Variants in SMC4 observed in about 807,000 individuals in gnomAD.
SMC4 encodes the protein structural maintenance of chromosomes protein 4.
SMC4 carries 87 observed loss-of-function variants against 145.6 expected under a neutral mutation model. That is an observed-to-expected ratio of 0.60 (90% CI 0.50 to 0.71). The LOEUF (loss-of-function observed/expected upper bound fraction) is 0.71, where lower values mean the gene tolerates loss of function less well. Ranked by LOEUF, SMC4 falls within the 30% of genes least tolerant of loss-of-function variation. The pLI is 0.00. For synonymous variants in SMC4, 558 were observed against 500.7 expected (o/e 1.11, Z -1.53); for missense variants, 1,447 against 1,537.1 (o/e 0.94, Z 0.98).
intron 8 of SMC4, 89 bp from the exon 9 acceptor site, chr3:160,414,278 T>C: frequency 9.4e-7 from 1 of 1,066,550 alleles, no homozygotes; most frequent in Non-Finnish European, 1.4e-6. Flanking sequence ...CCTGGACATA[T>C]TTATAGAGGA....
chr3:160,413,111 T>C (rs1190157178), intron 7 of SMC4, among the ~76,000 whole-genome samples: 2 of 152,020 alleles, frequency 1.3e-5, no homozygotes, highest in Non-Finnish European at 2.9e-5. Context: ...ATTATTATTA[T>C]TATTATTGTT....
intron 17 of SMC4, among the ~76,000 whole-genome samples, chr3:160,427,996 A>G (rs1015526351): frequency 6.6e-6 from 1 of 152,162 alleles, no homozygotes; most frequent in African/African-American, 2.4e-5. Context: ...TTATAATCCC[A>G]GCTACATGGT....
chr3:160,434,341 A>G lies in SMC4; in HGVS notation c.*532A>G, dbSNP rs1436315315. Reference sequence around the variant, plus strand: ...TCTAGAATTTGATGTTTGACCATTTATGACTTAATTACCAGAGAGCCAGTA... The same window carrying G: ...TCTAGAATTTGATGTTTGACCATTTGTGACTTAATTACCAGAGAGCCAGTA... On this transcript the variant is annotated 3_prime_UTR_variant, in exon 24 of 24. Transcript: ENST00000357388. 6.6e-6 allele frequency: 1 copy of G among 152,292 alleles called. No individual in the cohort carries two copies. Among genetic ancestry groups the G allele is most frequent in the Non-Finnish European group, 1.5e-5 (1 of 68,120 alleles). The allele number at this position is 152,292 out of a possible 1,614,324, so 9.4% of individuals were successfully genotyped here. A position where few individuals can be genotyped will look rare whatever the true frequency, so the allele number is the denominator to read the frequency against.
intron 13 of SMC4, 72 bp from the exon 14 acceptor site, chr3:160,423,353 T>G: frequency 1.0e-6 from 1 of 965,214 alleles, no homozygotes; most frequent in Non-Finnish European, 1.5e-6. Context: ...CTATGGGTTT[T>G]TTTTTGTTTT....
chr3:160,430,005 G>A (rs774121510), intron 18 of SMC4, among the ~76,000 whole-genome samples: 3 of 152,092 alleles, frequency 2.0e-5, no homozygotes, highest in East Asian at 1.9e-4. Context: ...ATGAGCCACC[G>A]CACCCGGCCT....
chr3:160,402,988 A>G (rs1334085388), intron 4 of SMC4, 121 bp downstream of exon 4: 1 of 681,294 alleles, frequency 1.5e-6, no homozygotes, highest in Non-Finnish European at 2.4e-6. Flanking sequence ...CATTGGTTTC[A>G]TTATCTCTGA....
At chr3:160,427,437 C>T (rs941699909) in intron 17 of SMC4, among the ~76,000 whole-genome samples, 5 of 152,218 alleles carry the variant, frequency 3.3e-5, no homozygotes, top group African/African-American at 9.6e-5. Context: ...CACCCACACT[C>T]CCCTTTCCCT....
intron 16 of SMC4, 88 bp from the exon 17 acceptor site, chr3:160,425,986 T>C: frequency 9.8e-7 from 1 of 1,016,626 alleles, no homozygotes; most frequent in Non-Finnish European, 1.5e-6. Context: ...GTCTTTTTCT[T>C]GAAGATTTTA....
chr3:160,420,809 ATTG>A lies in SMC4; in HGVS notation c.1934_1936del (p.Val645del). ...ATCCTGTTGTCATGCACTGGACTAC[ATTG>A]TTGTTGATTCTATTGATATAGCCCA... On this transcript the variant is annotated inframe_deletion, in exon 13 of 24. Transcript: ENST00000357388. 6.2e-7 allele frequency: 1 copy of A among 1,614,062 alleles called. No homozygotes were observed. Among genetic ancestry groups the A allele is most frequent in the Non-Finnish European group, 8.5e-7 (1 of 1,179,972 alleles).
intron 5 of SMC4, among the ~76,000 whole-genome samples, chr3:160,409,478 T>G (rs1355100647): frequency 3.3e-5 from 5 of 152,140 alleles, no homozygotes; most frequent in Admixed American, 3.3e-4. Context: ...AAGCTGTTTC[T>G]TAATAGCTGT....
chr3:160,432,579 G>GT (rs1333571250), intron 22 of SMC4, 64 bp downstream of exon 22: 9 of 1,061,676 alleles, frequency 8.5e-6, no homozygotes, highest in Non-Finnish European at 1.2e-5. Context: ...TCCAAACTCA[G>GT]TATTTCTTGG....
rs530462517 is a variant in SMC4, at chr3:160,424,451, C to T, written c.2326-416C>T. On this transcript the variant is annotated intron_variant, in intron 15 of 23. Transcript: ENST00000357388. The stretch of plus-strand genomic sequence containing the variant: ...ATTTTCTGATCAAGAAATTACTTGA[C>T]CATCTCCTGAACTTTAAGATTGGGA... 3.3e-5 allele frequency among the ~76,000 whole-genome samples: 5 copies of T among 152,254 alleles called. No individual in the cohort carries two copies. In the East Asian group the frequency reaches 9.6e-4, roughly 29 times the overall value.
chr3:160,412,221 T>G, intron 6 of SMC4, 105 bp from the exon 7 acceptor site: 1 of 1,417,120 alleles, frequency 7.1e-7, no homozygotes, highest in Non-Finnish European at 9.5e-7. Context: ...ACATTTAAGA[T>G]GAACATTCTC....
chr3:160,421,285 C>G (rs906256378), intron 13 of SMC4, among the ~76,000 whole-genome samples: 2 of 152,020 alleles, frequency 1.3e-5, no homozygotes, highest in Admixed American at 1.3e-4. Flanking sequence ...CAGGCTTTTT[C>G]TTAATGGTTA....
intron 4 of SMC4, 144 bp downstream of exon 4, chr3:160,403,011 T>G: frequency 3.3e-6 from 2 of 603,666 alleles, no homozygotes; most frequent in Non-Finnish European, 5.5e-6. Context: ...GTATTTTATT[T>G]TGGGGGAGTG....
At chr3:160,405,796 T>C (rs1209441654) in intron 5 of SMC4, among the ~76,000 whole-genome samples, 1 of 152,042 alleles carries the variant, frequency 6.6e-6, no homozygotes, top group Non-Finnish European at 1.5e-5. Context: ...ATTGAACTGT[T>C]TTATTGACTT....
intron 12 of SMC4, among the ~76,000 whole-genome samples, chr3:160,420,193 G>GGAGAGTA (rs1717020411): frequency 6.6e-6 from 1 of 152,274 alleles, no homozygotes; most frequent in East Asian, 1.9e-4. Context: ...GGCTGAAGGT[G>GGAGAGTA]GAGAGTCAAA....
rs538072745 is a variant in SMC4 at position 160,434,281 on chromosome 3, T to G, written c.*472T>G. 7 of 152,660 alleles carry G rather than the reference T, an allele frequency of 4.6e-5. No homozygotes were observed. The highest frequency in any genetic ancestry group is 1.7e-4 in the African/African-American group (7 of 41,598). The allele number at this position is 152,660 out of a possible 1,614,324, so 9.5% of individuals were successfully genotyped here. A position where few individuals can be genotyped will look rare whatever the true frequency, so the allele number is the denominator to read the frequency against. On this transcript the variant is annotated 3_prime_UTR_variant, in exon 24 of 24. Coordinates refer to ENST00000357388, the MANE Select transcript of SMC4 (RefSeq NM_001002800.3). ...ACATATTTTTGTAAACCAGTCATTC[T>G]GAATTATAGTGATGAGAATTTAAAT...
At chr3:160,430,078 T>C (rs1002200238) in intron 18 of SMC4, among the ~76,000 whole-genome samples, 2 of 152,236 alleles carry the variant, frequency 1.3e-5, no homozygotes. Context: ...ATATAAAATA[T>C]TGAAATTTAA....
Sources: allele counts gnomAD v4.1 joint callset (sites outside exome capture counted in the v4.1 genomes callset), GRCh38; gene constraint gnomAD v4.1.1; transcripts MANE v1.5; gene names NCBI Gene and HGNC (gene_info 2026-07-23, HGNC 2026-07-21).